XKR4: variants seen among roughly 807,000 people sequenced by gnomAD.
XKR4 encodes XK related 4.
Under a neutral mutation model 53.9 loss-of-function variants are expected in XKR4, and 12 were observed. The ratio of observed to expected loss-of-function variants is 0.22; its 90% CI spans 0.14 to 0.36. XKR4 has a LOEUF of 0.36. Among genes scored for constraint, XKR4 ranks in the 10% least tolerant of loss-of-function variants. The probability of loss-of-function intolerance (pLI) is 1.00; values close to 1 mark genes in which losing one functional copy is unlikely to be tolerated. For synonymous variants in XKR4, 354 were observed against 362.4 expected, an observed-to-expected ratio of 0.98 and a Z score of 0.26; for missense variants, 799 against 859.5, an observed-to-expected ratio of 0.93 and a Z score of 0.88.
intron 1 of XKR4, among the ~76,000 whole-genome samples, chr8:55,264,711 A>G (rs1173156522): frequency 6.6e-6 from 1 of 152,232 alleles, no homozygotes; most frequent in Non-Finnish European, 1.5e-5. Context: ...AAAGCAATTA[A>G]TTAGCATGCA....
rs1804891311 is a variant in XKR4, at chr8:55,419,171, G to A, written c.1006+61294G>A. Among the ~76,000 whole-genome samples, 2 of 152,152 alleles carry A rather than the reference G, an allele frequency of 1.3e-5. 1 individual carries two copies. Among genetic ancestry groups the A allele is most frequent in the South Asian group, 4.1e-4 (2 of 4,832 alleles). ...AGGCTCAGGCAGGTGGATCACCTGA[G>A]GTCAGGAGTTCAAGACCAGCCTGGC... On this transcript the variant is annotated intron_variant, in intron 2 of 2. Coordinates refer to ENST00000327381, the MANE Select transcript of XKR4 (RefSeq NM_052898.2).
At chr8:55,331,053 TC>T (rs1400706892) in intron 1 of XKR4, among the ~76,000 whole-genome samples, 2 of 152,152 alleles carry the variant, frequency 1.3e-5, no homozygotes, top group African/African-American at 4.8e-5. Context: ...TGTGCAAATA[TC>T]ACCACCATCC....
At chr8:55,245,333 T>C (rs1818271029) in intron 1 of XKR4, among the ~76,000 whole-genome samples, 1 of 152,202 alleles carries the variant, frequency 6.6e-6, no homozygotes, top group Non-Finnish European at 1.5e-5. Flanking sequence ...GTAGGTTGTT[T>C]ACTCTGTTTC....
chr8:55,311,426 A>C (rs1160056625), intron 1 of XKR4, among the ~76,000 whole-genome samples: 1 of 152,356 alleles, frequency 6.6e-6, no homozygotes, highest in East Asian at 1.9e-4. Context: ...GGGTCCAGCC[A>C]GCTGAAGAGA....
In XKR4 at chr8:55,218,991, A is replaced by G. The variant is rs572806237; in HGVS notation, c.806+115697A>G. On this transcript the variant is annotated intron_variant, in intron 1 of 2. Coordinates refer to ENST00000327381, the MANE Select transcript of XKR4 (RefSeq NM_052898.2). ...CACCCAGCAAAATTTTAGATCCTCA[A>G]ATCAAATTCTAGAAGCAGTCTTTTT... Among the ~76,000 whole-genome samples, 78 of 149,476 alleles carry G rather than the reference A, an allele frequency of 5.2e-4. 1 individual carries two copies. The highest frequency in any genetic ancestry group is 8.7e-4 in the Non-Finnish European group (59 of 67,570).
intron 2 of XKR4, among the ~76,000 whole-genome samples, chr8:55,508,270 G>A (rs926501034): frequency 6.6e-6 from 1 of 152,142 alleles, no homozygotes; most frequent in Admixed American, 6.5e-5. Flanking sequence ...TCCCCAGGAT[G>A]CTAATAAGCA....
intron 2 of XKR4, among the ~76,000 whole-genome samples, chr8:55,503,643 T>C (rs1399016958): frequency 6.6e-6 from 1 of 152,208 alleles, no homozygotes; most frequent in African/African-American, 2.4e-5. Context: ...TTATGTTATC[T>C]ATTCAGAGAT....
intron 2 of XKR4, among the ~76,000 whole-genome samples, chr8:55,391,242 C>G (rs1397236169): frequency 6.6e-6 from 1 of 152,160 alleles, no homozygotes; most frequent in Non-Finnish European, 1.5e-5. Context: ...TCTTCCCTGG[C>G]CCGGAAACCC....
chr8:55,102,774 C>G lies in XKR4; in HGVS notation c.286C>G (p.Leu96Val). The change falls in exon 1 of 3, where the codon CTG becomes GTG. Residue 96 changes from leucine to valine, a missense_variant. Leu to Val is a conservative substitution (Grantham distance 32, BLOSUM62 1). This residue lies in a region of XKR4 where 476 missense variants were observed against 505.4 expected (regional missense o/e 0.94). Transcript: ENST00000327381. This position sits in a 1 kb window ranked among gnomAD's most constrained non-coding sequence, Gnocchi z 5.1. ...PGGGGAGSAA[L>V]CLRLGREQRR... is the part of the protein sequence containing the mutation. ...CGGCGGCGGGGCGGGCTCGGCTGCGCTGTGCCTGCGCCTGGGCAGGGAGCA... is the reference window on the plus strand; with the variant it reads ...CGGCGGCGGGGCGGGCTCGGCTGCGGTGTGCCTGCGCCTGGGCAGGGAGCA... 6.4e-7 allele frequency: 1 copy of G among 1,551,022 alleles called. No individual in the cohort carries two copies. Among genetic ancestry groups the G allele is most frequent in the South Asian group, 1.2e-5 (1 of 84,990 alleles).
intron 1 of XKR4, among the ~76,000 whole-genome samples, chr8:55,354,243 G>A (rs1408254458): frequency 6.6e-6 from 1 of 152,190 alleles, no homozygotes; most frequent in East Asian, 1.9e-4. Flanking sequence ...GAGATATGGA[G>A]GGAGGGTGTT....
intron 2 of XKR4, among the ~76,000 whole-genome samples, chr8:55,415,936 G>A (rs7011439): frequency 0.12 from 18,083 of 152,136 alleles, 2,811 homozygotes; most frequent in African/African-American, 0.36. Context: ...TAATCATCAT[G>A]CTAATCAAAA....
intron 2 of XKR4, among the ~76,000 whole-genome samples, chr8:55,475,668 A>G (rs1362927723): frequency 4.0e-5 from 6 of 151,700 alleles, no homozygotes; most frequent in Admixed American, 2.6e-4. Context: ...CAGTGGCATG[A>G]TCTTGGCTCA....
intron 1 of XKR4, among the ~76,000 whole-genome samples, chr8:55,313,522 A>G (rs1430639236): frequency 1.3e-5 from 2 of 152,218 alleles, no homozygotes; most frequent in African/African-American, 4.8e-5. Context: ...TTTGGCCAAA[A>G]GAGGCCCAAG....
intron 1 of XKR4, among the ~76,000 whole-genome samples, chr8:55,112,185 T>G (rs1816241252): frequency 6.6e-6 from 1 of 152,258 alleles, no homozygotes; most frequent in Non-Finnish European, 1.5e-5. Context: ...CTCATCTTTA[T>G]GATTCATAAG....
chr8:55,428,000 T>G (rs769093593), intron 2 of XKR4, among the ~76,000 whole-genome samples: 9 of 152,196 alleles, frequency 5.9e-5, no homozygotes, highest in Non-Finnish European at 1.2e-4. Context: ...AAAATTTAAT[T>G]AAATTGTATT....
rs542569101 is a variant in XKR4, at chr8:55,106,998, T to G, written c.806+3704T>G. On this transcript the variant is annotated intron_variant, in intron 1 of 2. Coordinates refer to ENST00000327381, the MANE Select transcript of XKR4 (RefSeq NM_052898.2). ...GGACTTCTCAGAGCCTTTTATAAGC[T>G]AAGGTACAGTTATCAGTTAAGTTTT... 1.7e-4 allele frequency among the ~76,000 whole-genome samples: 26 copies of G among 152,284 alleles called. No individual in the cohort carries two copies. In the East Asian group the frequency reaches 5.0e-3, roughly 29 times the overall value.
At chr8:55,144,761 T>A (rs892736601) in intron 1 of XKR4, among the ~76,000 whole-genome samples, 2 of 148,388 alleles carry the variant, frequency 1.3e-5, no homozygotes, top group Non-Finnish European at 3.0e-5. Context: ...CCAACAGTCC[T>A]GACATGGGAA....
chr8:55,162,787 G>A (rs1349619577), intron 1 of XKR4, among the ~76,000 whole-genome samples: 1 of 152,092 alleles, frequency 6.6e-6, no homozygotes, highest in Non-Finnish European at 1.5e-5. Flanking sequence ...GGTTAGAAAT[G>A]TCCAAAGTCT....
chr8:55,201,574 A>C (rs571522913), intron 1 of XKR4, among the ~76,000 whole-genome samples: 1 of 152,320 alleles, frequency 6.6e-6, no homozygotes, highest in Non-Finnish European at 1.5e-5. Flanking sequence ...TCCTGTCTCC[A>C]CTTTGACCTC....
Sources: gnomAD v4.1 joint callset for allele counts (sites outside exome capture counted in the v4.1 genomes callset) on GRCh38, gnomAD v4.1.1 for gene constraint, gnomAD v4.1.1 regional missense constraint, Gnocchi (gnomAD v3.1) non-coding constraint, MANE v1.5 for transcripts, NCBI Gene and HGNC (gene_info 2026-07-23, HGNC 2026-07-21) for gene names.